ADAMTS17: variants seen among roughly 807,000 people sequenced by gnomAD.
ADAMTS17 encodes A disintegrin and metalloproteinase with thrombospondin motifs 17.
In ADAMTS17, 113 loss-of-function variants were observed where a neutral mutation model predicts 141.5. The ratio of observed to expected loss-of-function variants is 0.80; its 90% CI spans 0.69 to 0.93. The LOEUF is 0.93. Among genes scored for constraint, ADAMTS17 ranks in the 40% least tolerant of loss-of-function variants. The probability of loss-of-function intolerance (pLI) is 0.00; values close to 1 mark genes in which losing one functional copy is unlikely to be tolerated. For missense variants in ADAMTS17, 1,659 were observed against 1,517.9 expected, an observed-to-expected ratio of 1.09 and a Z score of -1.54; for synonymous variants, 768 against 630.6, an observed-to-expected ratio of 1.22 and a Z score of -3.27.
At chr15:100,210,230 C>CAAAAAAA (rs34086690) in intron 7 of ADAMTS17, among the ~76,000 whole-genome samples, 7 of 31,214 alleles carry the variant, frequency 2.2e-4, no homozygotes, top group East Asian at 2.5e-3. Context: ...GACTCCATCT[C>CAAAAAAA]AAAAAAAAAA....
At chr15:100,270,250 G>T (rs536260483) in intron 4 of ADAMTS17, among the ~76,000 whole-genome samples, 2 of 152,216 alleles carry the variant, frequency 1.3e-5, no homozygotes, top group East Asian at 1.9e-4. Context: ...TAGCCGCCAG[G>T]CATTCTTTCT....
intron 4 of ADAMTS17, among the ~76,000 whole-genome samples, chr15:100,279,476 G>T (rs2044211676): frequency 1.3e-5 from 2 of 152,194 alleles, no homozygotes; most frequent in South Asian, 4.1e-4. Flanking sequence ...TGTCCCCACT[G>T]AAAACTCAGG....
At chr15:100,267,958 C>T (rs575103889) in intron 4 of ADAMTS17, among the ~76,000 whole-genome samples, 30 of 152,270 alleles carry the variant, frequency 2.0e-4, no homozygotes, top group Middle Eastern at 6.8e-3. Context: ...AATACTGTAA[C>T]TTATCCATTT....
At chr15:100,211,563 G>A (rs920572416) in intron 7 of ADAMTS17, among the ~76,000 whole-genome samples, 1 of 152,092 alleles carries the variant, frequency 6.6e-6, no homozygotes. Flanking sequence ...TGTTCCTAGA[G>A]TAGCAAAGAA....
At chr15:100,303,851 T>C (rs2045128182) in intron 3 of ADAMTS17, among the ~76,000 whole-genome samples, 1 of 152,142 alleles carries the variant, frequency 6.6e-6, no homozygotes, top group Non-Finnish European at 1.5e-5. Context: ...ACCTCCCGAG[T>C]AGTTGGGACT....
intron 7 of ADAMTS17, among the ~76,000 whole-genome samples, chr15:100,199,649 G>A (rs2041248027): frequency 6.6e-6 from 1 of 152,132 alleles, no homozygotes; most frequent in Non-Finnish European, 1.5e-5. Flanking sequence ...TACGCGTCGG[G>A]GGTGTGCTGA....
intron 8 of ADAMTS17, among the ~76,000 whole-genome samples, chr15:100,164,284 G>A (rs1017821982): frequency 3.9e-5 from 6 of 152,186 alleles, no homozygotes; most frequent in Non-Finnish European, 5.9e-5. Context: ...TGGCTTTGCA[G>A]TCAGACCAAC....
chr15:100,309,945 T>G (rs900099132), intron 3 of ADAMTS17, among the ~76,000 whole-genome samples: 3 of 151,932 alleles, frequency 2.0e-5, no homozygotes, highest in African/African-American at 7.3e-5. Context: ...GCGTCAGGGA[T>G]AGGAAACAGG....
intron 7 of ADAMTS17, among the ~76,000 whole-genome samples, chr15:100,214,819 G>A (rs1249113519): frequency 6.6e-6 from 1 of 152,180 alleles, no homozygotes. Context: ...AAGCGACACG[G>A]CACACTTCCT....
intron 3 of ADAMTS17, among the ~76,000 whole-genome samples, chr15:100,316,594 A>T (rs908408906): frequency 1.3e-5 from 2 of 152,090 alleles, no homozygotes; most frequent in African/African-American, 4.8e-5. Flanking sequence ...TCCCTCCCTG[A>T]CACTGACCAC....
chr15:100,137,160 G>A (rs1375687817), intron 10 of ADAMTS17, among the ~76,000 whole-genome samples: 1 of 152,194 alleles, frequency 6.6e-6, no homozygotes, highest in African/African-American at 2.4e-5. Flanking sequence ...TAGAAAATGG[G>A]CCAGCAGTGA....
intron 4 of ADAMTS17, among the ~76,000 whole-genome samples, chr15:100,278,327 CAAAA>C (rs34991549): frequency 2.0e-5 from 2 of 101,046 alleles, no homozygotes; most frequent in South Asian, 3.6e-4. Context: ...CATTCTACCA[CAAAA>C]AAAAAAAAAA....
chr15:100,054,093 G>T (rs1230044069), intron 15 of ADAMTS17, 39 bp from the exon 16 acceptor site: 1 of 1,613,432 alleles, frequency 6.2e-7, no homozygotes, highest in Non-Finnish European at 8.5e-7. Flanking sequence ...CAAGGGGCTG[G>T]GGGTAGGGGG....
intron 18 of ADAMTS17, among the ~76,000 whole-genome samples, chr15:100,019,789 C>T (rs1258874891): frequency 6.6e-6 from 1 of 152,206 alleles, no homozygotes; most frequent in Non-Finnish European, 1.5e-5. Flanking sequence ...TTACACTTTC[C>T]TATCCTGAAG....
intron 3 of ADAMTS17, among the ~76,000 whole-genome samples, chr15:100,291,151 A>C (rs1273250536): frequency 6.6e-6 from 1 of 152,208 alleles, no homozygotes; most frequent in Non-Finnish European, 1.5e-5. Context: ...GCAAATTAAC[A>C]AGCACAAAAC....
rs370807896 is a variant in ADAMTS17, at chr15:100,201,652, A to G, written c.1076-2229T>C. Among the ~76,000 whole-genome samples the G allele has an allele frequency of 7.9e-5, 12 of 152,330 alleles. No homozygotes were observed. The East Asian group carries it at 1.2e-3, about 15-fold the overall frequency. ...TGTGGGTCTATTTTTATTTGGAAACATGCAATGTGCTTAGTTAAAAATAAA... is the reference window on the plus strand; with the variant it reads ...TGTGGGTCTATTTTTATTTGGAAACGTGCAATGTGCTTAGTTAAAAATAAA... On this transcript the variant is annotated intron_variant, in intron 7 of 21. Coordinates refer to ENST00000268070, the MANE Select transcript of ADAMTS17 (RefSeq NM_139057.4).
intron 7 of ADAMTS17, among the ~76,000 whole-genome samples, chr15:100,212,899 C>G (rs542599721): frequency 2.0e-5 from 3 of 151,826 alleles, no homozygotes; most frequent in Non-Finnish European, 2.9e-5. Flanking sequence ...CATAGGGTGA[C>G]GCGTACCTTT....
chr15:100,154,896 G>C (rs2039356706), intron 9 of ADAMTS17, among the ~76,000 whole-genome samples: 1 of 152,178 alleles, frequency 6.6e-6, no homozygotes, highest in Non-Finnish European at 1.5e-5. Context: ...CACTGCAGAG[G>C]AATGAAATGG....
chr15:100,335,851 C>T (rs1333972268), intron 2 of ADAMTS17, among the ~76,000 whole-genome samples: 2 of 152,108 alleles, frequency 1.3e-5, no homozygotes, highest in Non-Finnish European at 2.9e-5. Context: ...CTCCAAATGG[C>T]CAAACAGTTT....
Sources: allele counts gnomAD v4.1 joint callset (sites outside exome capture counted in the v4.1 genomes callset), GRCh38; gene constraint gnomAD v4.1.1; transcripts MANE v1.5; gene names NCBI Gene and HGNC (gene_info 2026-07-23, HGNC 2026-07-21).